The following GYS2 variants were observed in gnomAD, a reference collection of about 807,000 sequenced individuals.
GYS2 encodes glycogen [starch] synthase, liver.
GYS2 carries 80 observed loss-of-function variants against 85.6 expected under a neutral mutation model. The ratio of observed to expected loss-of-function variants is 0.93; its 90% CI spans 0.78 to 1.13. The LOEUF (loss-of-function observed/expected upper bound fraction) is 1.13. Among genes scored for constraint, GYS2 ranks in the 50% most tolerant of loss-of-function variants. The pLI is 0.00. For synonymous variants in GYS2, 328 were observed against 300.7 expected (o/e 1.09, Z -0.94); for missense variants, 881 against 854.9 (o/e 1.03, Z -0.38).
chr12:21,548,524 T>A (rs896819411), intron 11 of GYS2, among the ~76,000 whole-genome samples: 1 of 152,178 alleles, frequency 6.6e-6, no homozygotes, highest in Non-Finnish European at 1.5e-5. Context: ...TTAATATAGT[T>A]GACTTATTTT....
At chr12:21,594,219 T>C (rs1944670842) in intron 1 of GYS2, among the ~76,000 whole-genome samples, 1 of 152,106 alleles carries the variant, frequency 6.6e-6, no homozygotes, top group Non-Finnish European at 1.5e-5. Context: ...CCATCACTCC[T>C]ATTCAATATA....
At chr12:21,562,122 G>A (rs1053422656) in intron 7 of GYS2, among the ~76,000 whole-genome samples, 8 of 152,000 alleles carry the variant, frequency 5.3e-5, no homozygotes, top group Admixed American at 2.6e-4. Context: ...TGTGTTGCTC[G>A]GTTAGTTGAG....
intron 5 of GYS2, among the ~76,000 whole-genome samples, chr12:21,565,390 AATATATATATATATATATATATAT>A (rs55790137): frequency 0.048 from 3,532 of 73,776 alleles, 243 homozygotes; most frequent in African/African-American, 0.18. Flanking sequence ...CCATCCATGA[AATATATATATATATATATATATAT>A]ATATATATAT....
At chr12:21,549,911 T>A (rs1162354984) in intron 11 of GYS2, among the ~76,000 whole-genome samples, 2 of 152,200 alleles carry the variant, frequency 1.3e-5, no homozygotes, top group Admixed American at 6.5e-5. Context: ...GGCAGTTATT[T>A]CGAAGCTGTG....
intron 1 of GYS2, among the ~76,000 whole-genome samples, chr12:21,595,996 C>A (rs1944691592): frequency 8.5e-5 from 13 of 152,144 alleles, no homozygotes; most frequent in Admixed American, 8.5e-4. Context: ...AACACACATT[C>A]TATTCAACAG....
intron 7 of GYS2, among the ~76,000 whole-genome samples, chr12:21,562,590 A>T (rs1053470550): frequency 6.6e-6 from 1 of 151,582 alleles, no homozygotes; most frequent in African/African-American, 2.4e-5. Context: ...TCAATTGATT[A>T]CAAACTCATG....
Position 21,536,963 on chromosome 12 carries a change from A to G in GYS2, c.2103T>C (p.Tyr701=). ...GCAGCACATGTAGAATTCAGTTCTT[A>G]TATTCACCATGCAGCTTTTTCTTCC... is the stretch of plus-strand genomic sequence containing the variant. The part of the protein sequence containing the change: ...PHGKKKLHGE[Y]KN Residue 701 remains tyrosine, a synonymous_variant, in exon 16 of 16, where the codon TAT becomes TAC. Transcript: ENST00000261195. 1 of 1,608,720 alleles carries G rather than the reference A, an allele frequency of 6.2e-7. No individual in the cohort carries two copies. Among genetic ancestry groups the G allele is most frequent in the Non-Finnish European group, 8.5e-7 (1 of 1,175,130 alleles).
chr12:21,579,735 C>T (rs1555159031), intron 2 of GYS2, among the ~76,000 whole-genome samples: 1 of 152,110 alleles, frequency 6.6e-6, no homozygotes, highest in Non-Finnish European at 1.5e-5. Flanking sequence ...CTCCCTTCAA[C>T]CTCTGCTTTC....
chr12:21,577,405 A>G (rs528759515), intron 2 of GYS2, among the ~76,000 whole-genome samples: 34 of 152,296 alleles, frequency 2.2e-4, no homozygotes, highest in Middle Eastern at 3.4e-3. Context: ...ATTGACCTCC[A>G]GTCAGTTCTT....
At chr12:21,577,628 C>T (rs1312864000) in intron 2 of GYS2, among the ~76,000 whole-genome samples, 11 of 152,110 alleles carry the variant, frequency 7.2e-5, no homozygotes, top group Admixed American at 5.2e-4. Context: ...AAATGTTTTC[C>T]GGTACTCTTT....
chr12:21,558,351 A>G, intron 10 of GYS2, 38 bp from the exon 11 acceptor site: 1 of 1,256,636 alleles, frequency 8.0e-7, no homozygotes, highest in Middle Eastern at 1.9e-4. Context: ...AATTGCGGAA[A>G]GAATTAATAA....
chr12:21,548,906 G>A (rs1289303284), intron 11 of GYS2, among the ~76,000 whole-genome samples: 2 of 151,698 alleles, frequency 1.3e-5, no homozygotes, highest in African/African-American at 2.4e-5. Flanking sequence ...CAGTGACATC[G>A]CATTGGTAGC....
At chr12:21,550,083 A>G (rs1944088186) in intron 11 of GYS2, among the ~76,000 whole-genome samples, 1 of 152,100 alleles carries the variant, frequency 6.6e-6, no homozygotes, top group South Asian at 2.1e-4. Flanking sequence ...TTGTTTCTGT[A>G]TATATTTAAC....
At chr12:21,571,158 G>A (rs111505513) in intron 4 of GYS2, among the ~76,000 whole-genome samples, 2 of 152,184 alleles carry the variant, frequency 1.3e-5, no homozygotes, top group Admixed American at 6.5e-5. Flanking sequence ...TGGAGACCCC[G>A]TGAGAGGCCT....
intron 11 of GYS2, among the ~76,000 whole-genome samples, chr12:21,557,964 G>T (rs1295311009): frequency 6.6e-6 from 1 of 152,182 alleles, no homozygotes; most frequent in African/African-American, 2.4e-5. Flanking sequence ...GTATTGTACA[G>T]TGGAAATAAA....
chr12:21,580,627 C>A, intron 1 of GYS2, 104 bp from the exon 2 acceptor site: 1 of 854,216 alleles, frequency 1.2e-6, no homozygotes, highest in Non-Finnish European at 2.0e-6. Flanking sequence ...ATTTAGGATC[C>A]ACTAAGCCCA....
intron 1 of GYS2, among the ~76,000 whole-genome samples, chr12:21,597,988 A>G (rs1944714692): frequency 6.6e-6 from 1 of 152,102 alleles, no homozygotes; most frequent in East Asian, 1.9e-4. Flanking sequence ...TGGGAGCTAA[A>G]AAAGTTAATA....
At chr12:21,540,322 A>C (rs1452634700) in intron 14 of GYS2, 88 bp downstream of exon 14, 16 of 1,104,898 alleles carry the variant, frequency 1.4e-5, no homozygotes, top group Non-Finnish European at 2.2e-5. Context: ...ATATTGGATT[A>C]ACTTTAGAGA....
chr12:21,592,140 T>TAAGAAAGAAAGA (rs57387746), intron 1 of GYS2, among the ~76,000 whole-genome samples: 3 of 87,246 alleles, frequency 3.4e-5, no homozygotes, highest in South Asian at 3.3e-4. Context: ...TCATAAATAA[T>TAAGAAAGAAAGA]AAGAAAGAAA....
Sources: allele counts gnomAD v4.1 joint callset (sites outside exome capture counted in the v4.1 genomes callset), GRCh38; gene constraint gnomAD v4.1.1; transcripts MANE v1.5; gene names NCBI Gene and HGNC (gene_info 2026-07-23, HGNC 2026-07-21).